CNGA3: variants seen among roughly 807,000 people sequenced by gnomAD.
CNGA3 encodes the protein cyclic nucleotide-gated channel alpha-3.
In CNGA3, 42 loss-of-function variants were observed where a neutral mutation model predicts 46.6. The ratio of observed to expected loss-of-function variants is 0.90; its 90% CI spans 0.70 to 1.17. CNGA3 has a LOEUF of 1.17. CNGA3 is among the 50% of genes most tolerant of loss of function. CNGA3 has a pLI of 0.00. For missense variants in CNGA3, 893 were observed against 890.7 expected (o/e 1.00, Z -0.03); for synonymous variants, 394 against 369.4 (o/e 1.07, Z -0.76).
intron 7 of CNGA3, among the ~76,000 whole-genome samples, chr2:98,392,396 C>T (rs780656705): frequency 2.6e-5 from 4 of 152,048 alleles, no homozygotes; most frequent in Non-Finnish European, 4.4e-5. Flanking sequence ...CCCATCTCTA[C>T]TAAAAATACA....
intron 6 of CNGA3, among the ~76,000 whole-genome samples, chr2:98,390,050 C>T (rs1431618424): frequency 6.6e-6 from 1 of 152,162 alleles, no homozygotes; most frequent in Admixed American, 6.5e-5. Flanking sequence ...GAGGAGGATG[C>T]AGGGGCGGTT....
chr2:98,370,402 T>A (rs1447354501), intron 2 of CNGA3, among the ~76,000 whole-genome samples: 2 of 152,270 alleles, frequency 1.3e-5, no homozygotes, highest in African/African-American at 4.8e-5. Flanking sequence ...CTCTCCCATG[T>A]ATTCATCAAA....
chr2:98,392,085 C>T, intron 7 of CNGA3, 115 bp downstream of exon 7: 1 of 899,874 alleles, frequency 1.1e-6, no homozygotes, highest in Non-Finnish European at 1.8e-6. Context: ...CCAGGCAGGT[C>T]TGGGGACCTC....
chr2:98,360,510 C>T (rs942170051), intron 1 of CNGA3, among the ~76,000 whole-genome samples: 1 of 152,234 alleles, frequency 6.6e-6, no homozygotes, highest in Admixed American at 6.5e-5. Flanking sequence ...CCCCACTTGA[C>T]TGTCAGCTCC....
chr2:98,348,489 C>A (rs887177667), intron 1 of CNGA3, among the ~76,000 whole-genome samples: 1 of 152,208 alleles, frequency 6.6e-6, no homozygotes, highest in Non-Finnish European at 1.5e-5. Context: ...CCAGCTCTGG[C>A]CGCTAGTTTC....
At chr2:98,375,741 C>T (rs1398622166) in intron 2 of CNGA3, among the ~76,000 whole-genome samples, 3 of 152,214 alleles carry the variant, frequency 2.0e-5, no homozygotes, top group Admixed American at 2.0e-4. Flanking sequence ...AGTCCTCAGC[C>T]ATCCTATTAA....
intron 1 of CNGA3, among the ~76,000 whole-genome samples, chr2:98,362,703 A>T (rs1692061870): frequency 1.3e-5 from 2 of 152,006 alleles, no homozygotes. Context: ...ATTGCTTTTG[A>T]TGTTTTTGTC....
intron 1 of CNGA3, among the ~76,000 whole-genome samples, chr2:98,356,219 A>G (rs955130427): frequency 6.6e-6 from 1 of 152,216 alleles, no homozygotes; most frequent in African/African-American, 2.4e-5. Flanking sequence ...TTTGGAGTTT[A>G]ATTTGATGAA....
intron 2 of CNGA3, 35 bp downstream of exon 2, chr2:98,370,111 C>G: frequency 1.3e-6 from 2 of 1,510,326 alleles, no homozygotes; most frequent in Non-Finnish European, 1.8e-6. Flanking sequence ...TCATTTTATG[C>G]CTGGCTCTGG....
intron 3 of CNGA3, 119 bp downstream of exon 3, chr2:98,377,919 G>A: frequency 8.5e-6 from 11 of 1,295,468 alleles, no homozygotes; most frequent in South Asian, 1.5e-5. Flanking sequence ...GAAAAGAAAG[G>A]GTCAGGAGCA....
At chr2:98,368,010 A>G (rs1258525182) in intron 1 of CNGA3, among the ~76,000 whole-genome samples, 19 of 152,228 alleles carry the variant, frequency 1.2e-4, no homozygotes, top group Non-Finnish European at 2.9e-5. Context: ...CCTTGAGAAC[A>G]GGCTTCGTTT....
At chr2:98,365,908 C>T (rs1427431590) in intron 1 of CNGA3, among the ~76,000 whole-genome samples, 1 of 152,170 alleles carries the variant, frequency 6.6e-6, no homozygotes. Flanking sequence ...TCAGTTAATC[C>T]ATCTCGGCCT....
At chr2:98,374,293 T>C (rs1273393358) in intron 2 of CNGA3, among the ~76,000 whole-genome samples, 1 of 152,254 alleles carries the variant, frequency 6.6e-6, no homozygotes, top group Non-Finnish European at 1.5e-5. Flanking sequence ...TTATGTTGTC[T>C]TTCAAAGCAG....
rs755216909 is a variant in CNGA3, at chr2:98,370,005, C to T, written c.30C>T (p.His10=). The change falls in exon 2 of 8, where the codon CAC becomes CAT. Residue 10 remains histidine, a synonymous_variant. Coordinates refer to ENST00000272602, the MANE Select transcript of CNGA3 (RefSeq NM_001298.3). MAKINTQYS[H]PSRTHLKVKT... ...CCAAGATCAACACCCAATACTCCCA[C>T]CCCTCCAGGACCCACCTCAAGGTAA... 6.8e-6 allele frequency: 11 copies of T among 1,613,894 alleles called. No homozygotes were observed. In the South Asian group the frequency reaches 9.9e-5, roughly 15 times the overall value.
At chr2:98,350,771 A>T (rs1331553642) in intron 1 of CNGA3, 1 of 152,136 alleles carries the variant, frequency 6.6e-6, no homozygotes, top group Non-Finnish European at 1.5e-5. Context: ...AACAATCTTA[A>T]CTTTCTTCTC....
chr2:98,366,559 C>T (rs1486649494), intron 1 of CNGA3, among the ~76,000 whole-genome samples: 1 of 152,224 alleles, frequency 6.6e-6, no homozygotes, highest in South Asian at 2.1e-4. Flanking sequence ...GGGCTCCATC[C>T]CAGGGACATC....
intron 1 of CNGA3, chr2:98,346,926 G>A (rs1330144057): frequency 6.5e-6 from 1 of 152,958 alleles, no homozygotes; most frequent in Non-Finnish European, 1.5e-5. Flanking sequence ...TCCCGCTGGG[G>A]ACGGGTAGGG....
Position 98,397,128 on chromosome 2 carries a change from C to G in CNGA3, c.1958C>G (p.Ala653Gly), listed in dbSNP as rs1350430003. The G allele has an allele frequency of 6.2e-7, 1 of 1,614,010 alleles. No individual in the cohort carries two copies. The highest frequency in any genetic ancestry group is 8.5e-7 in the Non-Finnish European group (1 of 1,180,022). ...RFARLLAEYN[A>G]TQMKMKQRLS... ...GCACGCCTCCTGGCTGAGTACAACGCCACCCAGATGAAGATGAAGCAGCGT... is the reference window on the plus strand; with the variant it reads ...GCACGCCTCCTGGCTGAGTACAACGGCACCCAGATGAAGATGAAGCAGCGT... Residue 653 changes from alanine to glycine, a missense_variant, in exon 8 of 8, where the codon GCC becomes GGC. By Grantham distance (60) the Ala-to-Gly change is moderately conservative. This residue lies in a region of CNGA3 where 548 missense variants were observed against 570.8 expected (regional missense o/e 0.96). Transcript: ENST00000272602.
intron 2 of CNGA3, among the ~76,000 whole-genome samples, chr2:98,374,814 G>C (rs993619316): frequency 6.6e-6 from 1 of 152,226 alleles, no homozygotes; most frequent in African/African-American, 2.4e-5. Flanking sequence ...GTGGGGCAAC[G>C]CATAGGGAAA....
Sources: gnomAD v4.1 joint callset for allele counts (sites outside exome capture counted in the v4.1 genomes callset) on GRCh38, gnomAD v4.1.1 for gene constraint, gnomAD v4.1.1 regional missense constraint, MANE v1.5 for transcripts, NCBI Gene and HGNC (gene_info 2026-07-23, HGNC 2026-07-21) for gene names.